Variants in TBATA observed in about 807,000 individuals in gnomAD.
TBATA encodes the protein thymus, brain and testes associated, also known as protein TBATA.
TBATA carries 47 observed loss-of-function variants against 38.7 expected under a neutral mutation model. The ratio of observed to expected loss-of-function variants is 1.21; its 90% CI spans 0.96 to 1.55. The LOEUF (loss-of-function observed/expected upper bound fraction) is 1.55. TBATA is among the 40% of genes most tolerant of loss of function. TBATA has a pLI of 0.00. For synonymous variants in TBATA, 183 were observed against 170.5 expected (o/e 1.07, Z -0.57); for missense variants, 436 against 435.6 (o/e 1.00, Z -0.01).
chr10:70,771,853 G>C (rs1232566213), intron 10 of TBATA, among the ~76,000 whole-genome samples: 1 of 152,048 alleles, frequency 6.6e-6, no homozygotes, highest in African/African-American at 2.4e-5. Context: ...CCTCTCCTTG[G>C]TCTCCCTCAC....
rs954221112 is a variant in TBATA, at chr10:70,773,469, C to CCCA, written c.920+743_920+744insTGG. 1.1e-4 allele frequency among the ~76,000 whole-genome samples: 16 copies of CCCA among 151,736 alleles called. No individual in the cohort carries two copies. In the East Asian group the frequency reaches 2.3e-3, roughly 22 times the overall value. ...AGGTGACTGTTAAAAATACAGGCCC[C>CCCA]CCCGGCTTCACCCCGGCCTGCTATG... On this transcript the variant is annotated intron_variant, in intron 9 of 10. Coordinates refer to ENST00000456372, the MANE Select transcript of TBATA (RefSeq NM_001318241.2).
intron 7 of TBATA, among the ~76,000 whole-genome samples, chr10:70,776,037 G>A (rs1843348270): frequency 6.6e-6 from 1 of 152,222 alleles, no homozygotes; most frequent in Non-Finnish European, 1.5e-5. Context: ...GCTGGTGGCT[G>A]TAGCTATGGC....
rs1395785829 is a variant in TBATA, at chr10:70,782,237, G to A, written c.42-201C>T. 4.3e-6 allele frequency: 6 copies of A among 1,394,878 alleles called. No homozygotes were observed. In the South Asian group the frequency reaches 6.2e-5, roughly 14 times the overall value. 86.4% of individuals were successfully genotyped at this position (1,394,878 alleles called of 1,614,324 possible). ...TCCCAACTGGTGCAATCCTGTCCTG[G>A]TTAGTCTTCCTTATCAGGGAGCTGG... On this transcript the variant is annotated intron_variant, in intron 3 of 10. Coordinates refer to ENST00000456372, the MANE Select transcript of TBATA (RefSeq NM_001318241.2).
At chr10:70,778,536 G>A in intron 6 of TBATA, 21 bp downstream of exon 6, 1 of 1,610,404 alleles carries the variant, frequency 6.2e-7, no homozygotes, top group African/African-American at 1.3e-5. Context: ...TCCCAGACTA[G>A]CTCCTGTGTT....
intron 6 of TBATA, 45 bp from the exon 7 acceptor site, chr10:70,777,383 G>T (rs774444857): frequency 1.5e-5 from 24 of 1,578,070 alleles, no homozygotes; most frequent in Non-Finnish European, 2.0e-5. Flanking sequence ...AGCAAGAGGG[G>T]AGGAAGAGGG....
chr10:70,772,364 A>C (rs1282351463), intron 10 of TBATA, 150 bp downstream of exon 10: 1 of 786,486 alleles, frequency 1.3e-6, no homozygotes, highest in Non-Finnish European at 2.2e-6. Flanking sequence ...ATATTTGTTA[A>C]AGAATGAATA....
chr10:70,771,375 C>T lies in TBATA; in HGVS notation c.*1G>A. ...AAGGCAGGTGCAAGTGTTAGGGCCC[C>T]TCAGCTCTCTGCCCTCGGCTTCGAT... On this transcript the variant is annotated 3_prime_UTR_variant, in exon 11 of 11. Coordinates refer to ENST00000456372, the MANE Select transcript of TBATA (RefSeq NM_001318241.2). 1.9e-6 allele frequency: 3 copies of T among 1,614,228 alleles called. No homozygotes were observed. Among genetic ancestry groups the T allele is most frequent in the Non-Finnish European group, 2.5e-6 (3 of 1,180,028 alleles).
At chr10:70,784,354 A>G (rs779312254) in intron 2 of TBATA, among the ~76,000 whole-genome samples, 5 of 152,232 alleles carry the variant, frequency 3.3e-5, no homozygotes, top group African/African-American at 4.8e-5. Flanking sequence ...AAATAAACTA[A>G]TTAAATGGCA....
rs750145191 is a variant in TBATA, at chr10:70,782,044, A to T, written c.42-8T>A. The stretch of plus-strand genomic sequence containing the variant: ...TTCAGCTCAGCCTTTGGACTGAAGG[A>T]GGGGGTTTCAGGAGAAGCTAATGGA... On this transcript the variant is annotated splice_region_variant and splice_polypyrimidine_tract_variant and intron_variant, in intron 3 of 10. Transcript: ENST00000456372. 5.0e-6 allele frequency: 8 copies of T among 1,613,520 alleles called. No individual in the cohort carries two copies. In the South Asian group the frequency reaches 6.6e-5, roughly 13 times the overall value.
At chr10:70,775,384 G>A (rs534949370) in intron 7 of TBATA, 114 bp from the exon 8 acceptor site, 48 of 794,134 alleles carry the variant, frequency 6.0e-5, no homozygotes, top group East Asian at 3.9e-4. Flanking sequence ...TCCCAGAGGC[G>A]CCTGCTGGGC....
intron 3 of TBATA, chr10:70,782,552 C>T: frequency 2.0e-6 from 2 of 985,444 alleles, no homozygotes; most frequent in Non-Finnish European, 2.4e-6. Flanking sequence ...GGAGCTTAGG[C>T]CAGACCAGAC....
At chr10:70,774,173 C>G (rs772054555) in intron 9 of TBATA, 40 bp downstream of exon 9, 7 of 1,605,420 alleles carry the variant, frequency 4.4e-6, no homozygotes, top group Non-Finnish European at 5.9e-6. Context: ...CCTGGGAGGA[C>G]AGAAGGCTGC....
At chr10:70,778,459 C>A (rs1843702228) in intron 6 of TBATA, 98 bp downstream of exon 6, 5 of 1,203,544 alleles carry the variant, frequency 4.2e-6, no homozygotes, top group South Asian at 1.2e-5. Flanking sequence ...CCCCCCACCC[C>A]ACCTCTGGTA....
At chr10:70,772,425 C>T (rs1842882779) in intron 10 of TBATA, 89 bp downstream of exon 10, 1 of 1,204,976 alleles carries the variant, frequency 8.3e-7, no homozygotes, top group African/African-American at 1.5e-5. Flanking sequence ...GGCAGGGACT[C>T]ATCTCCAAGT....
At chr10:70,775,061 G>T in intron 8 of TBATA, 128 bp downstream of exon 8, 1 of 777,854 alleles carries the variant, frequency 1.3e-6, no homozygotes. Flanking sequence ...CAAAGTGGAG[G>T]AGAGGCCTCC....
chr10:70,778,949 G>T (rs1406950680), intron 5 of TBATA, among the ~76,000 whole-genome samples: 1 of 152,224 alleles, frequency 6.6e-6, no homozygotes, highest in African/African-American at 2.4e-5. Flanking sequence ...AGATGCACAT[G>T]GTTTAATCTA....
At chr10:70,783,049 C>T (rs1844454685) in intron 3 of TBATA, among the ~76,000 whole-genome samples, 1 of 152,234 alleles carries the variant, frequency 6.6e-6, no homozygotes, top group African/African-American at 2.4e-5. Flanking sequence ...CTCTTCTACC[C>T]CCAAGTAACA....
chr10:70,771,441 C>T lies in TBATA; in HGVS notation c.994G>A (p.Val332Ile). The change falls in exon 11 of 11, where the codon GTC becomes ATC. Residue 332 changes from valine to isoleucine, a missense_variant. Transcript: ENST00000456372. Reference sequence around the variant, plus strand: ...TTCTGGCTTGAATGCATCTGGAGGACTTGAGCTTCTCCAATGTACTCTAGT... The same window carrying T: ...TTCTGGCTTGAATGCATCTGGAGGATTTGAGCTTCTCCAATGTACTCTAGT... Reference protein sequence around the residue: ...EKPEYIGEAQVLQMHSSQNTE... With the variant: ...EKPEYIGEAQILQMHSSQNTE... 6.2e-7 allele frequency: 1 copy of T among 1,614,074 alleles called. No homozygotes were observed.
intron 3 of TBATA, chr10:70,782,468 G>C: frequency 7.7e-7 from 1 of 1,290,970 alleles, no homozygotes. Context: ...CCAGAGGCCA[G>C]CTATAGGCTG....
Sources: allele counts gnomAD v4.1 joint callset (sites outside exome capture counted in the v4.1 genomes callset), GRCh38; gene constraint gnomAD v4.1.1; transcripts MANE v1.5; gene names NCBI Gene and HGNC (gene_info 2026-07-23, HGNC 2026-07-21).